The following SASH1 variants were observed in gnomAD, a reference collection of about 807,000 sequenced individuals.
The protein encoded by SASH1 is SAM and SH3 domain containing 1.
In SASH1, 44 loss-of-function variants were observed where a neutral mutation model predicts 125.2. The observed-to-expected ratio is 0.35, with a 90% CI of 0.28 to 0.45. The LOEUF is 0.45. Among genes scored for constraint, SASH1 ranks in the 20% least tolerant of loss-of-function variants. SASH1 has a pLI of 1.00. For missense variants in SASH1, 1,426 were observed against 1,614.5 expected (o/e 0.88, Z 2.00); for synonymous variants, 639 against 649.1 (o/e 0.98, Z 0.24).
intron 7 of SASH1, among the ~76,000 whole-genome samples, chr6:148,474,682 C>T (rs1778262172): frequency 6.6e-6 from 1 of 152,086 alleles, no homozygotes; most frequent in Admixed American, 6.5e-5. Context: ...AGTAATCCTC[C>T]CATGTCAGCC....
intron 17 of SASH1, among the ~76,000 whole-genome samples, chr6:148,541,846 C>A (rs1782239995): frequency 6.6e-6 from 1 of 152,122 alleles, no homozygotes; most frequent in South Asian, 2.1e-4. Flanking sequence ...TCAAGGTTTT[C>A]TATCAACTTG....
intron 2 of SASH1, among the ~76,000 whole-genome samples, chr6:148,438,225 T>G (rs557476655): frequency 1.3e-5 from 2 of 152,302 alleles, no homozygotes; most frequent in South Asian, 4.1e-4. Context: ...GGAAGGAAGA[T>G]TTGGGATTAA....
chr6:148,432,201 C>G (rs368693687), intron 2 of SASH1, among the ~76,000 whole-genome samples: 1 of 152,098 alleles, frequency 6.6e-6, no homozygotes, highest in African/African-American at 2.4e-5. Context: ...TCTCAAACTC[C>G]CGACCTCAGG....
intron 8 of SASH1, chr6:148,514,003 C>G: frequency 9.8e-7 from 1 of 1,023,846 alleles, no homozygotes; most frequent in Non-Finnish European, 1.2e-6. Context: ...GGGCCAGCAT[C>G]GGAGGGAGAG....
intron 1 of SASH1, among the ~76,000 whole-genome samples, chr6:148,326,419 T>TTTTCTTTTCTTTTCTTTTCTTTTC (rs1562326411): frequency 1.2e-5 from 1 of 80,540 alleles, no homozygotes; most frequent in African/African-American, 4.3e-5. Context: ...CTTTTCTTTT[T>TTTTCTTTTCTTTTCTTTTCTTTTC]TTTGAGACAG....
At chr6:148,309,347 G>C (rs1442312684) in intron 1 of SASH1, among the ~76,000 whole-genome samples, 5 of 152,164 alleles carry the variant, frequency 3.3e-5, no homozygotes, top group African/African-American at 1.2e-4. Context: ...AAAGGCCTTT[G>C]CTTATAAATC....
At chr6:148,218,335 A>G in the SASH1 span, among the ~76,000 whole-genome samples, 1 of 152,252 alleles carries the variant, frequency 6.6e-6, no homozygotes, top group African/African-American at 2.4e-5. Context: ...TGGTCACACA[A>G]TAAGACCCCA....
At chr6:148,536,341 A>G (rs1414267320) in intron 16 of SASH1, among the ~76,000 whole-genome samples, 9 of 151,824 alleles carry the variant, frequency 5.9e-5, no homozygotes, top group East Asian at 3.9e-4. Flanking sequence ...GTTTTGTTTT[A>G]TTTTGTTTTG....
chr6:148,471,386 C>CTTTTTT (rs35487674), intron 5 of SASH1, 31 bp from the exon 6 acceptor site: 34 of 503,562 alleles, frequency 6.8e-5, no homozygotes, highest in South Asian at 2.5e-4. Flanking sequence ...GCTTTTTGTT[C>CTTTTTT]TTTTTTTTTT....
intron 1 of SASH1, among the ~76,000 whole-genome samples, chr6:148,356,070 G>GTTTTTTTTTTTTTT (rs200129121): frequency 4.3e-5 from 6 of 139,790 alleles, no homozygotes; most frequent in East Asian, 2.1e-4. Flanking sequence ...GTATCATTCT[G>GTTTTTTTTTTTTTT]TTTTTTTTTT....
At chr6:148,315,450 T>C (rs984236026) in intron 1 of SASH1, among the ~76,000 whole-genome samples, 4 of 152,212 alleles carry the variant, frequency 2.6e-5, no homozygotes, top group African/African-American at 9.7e-5. Context: ...AGCCAATCTG[T>C]TCAACCACTA....
chr6:148,212,698 C>A, the SASH1 span, among the ~76,000 whole-genome samples: 11 of 152,300 alleles, frequency 7.2e-5, no homozygotes, highest in Admixed American at 5.2e-4. Flanking sequence ...CATCTATTCT[C>A]AAGGGTTTCT....
intron 9 of SASH1, among the ~76,000 whole-genome samples, chr6:148,518,938 G>A (rs376850382): frequency 9.2e-5 from 14 of 152,280 alleles, no homozygotes; most frequent in South Asian, 2.1e-4. Context: ...GTATCTGGCC[G>A]GGATCACTGA....
intron 1 of SASH1, among the ~76,000 whole-genome samples, 191 bp from the exon 2 acceptor site, chr6:148,389,943 A>G (rs895027522): frequency 6.6e-6 from 1 of 152,224 alleles, no homozygotes; most frequent in African/African-American, 2.4e-5. Flanking sequence ...ATAAGTGGGA[A>G]AAAACAGGCC....
intron 8 of SASH1, chr6:148,513,771 G>A (rs1562472315): frequency 1.0e-6 from 1 of 985,784 alleles, no homozygotes; most frequent in Non-Finnish European, 1.2e-6. Context: ...CGGAAGGGCT[G>A]GCTGCAATGT....
intron 1 of SASH1, among the ~76,000 whole-genome samples, chr6:148,322,351 CAAATAAAATAAAA>C (rs2114575223): frequency 6.6e-6 from 1 of 152,172 alleles, no homozygotes; most frequent in African/African-American, 2.4e-5. Context: ...GACTCAGTCT[CAAATAAAATAAAA>C]TAATAAAATA....
intron 2 of SASH1, among the ~76,000 whole-genome samples, chr6:148,408,966 C>T (rs1363706391): frequency 6.6e-6 from 1 of 152,128 alleles, no homozygotes; most frequent in Non-Finnish European, 1.5e-5. Flanking sequence ...CTTTTTTGCC[C>T]GCTACACTTG....
At chr6:148,455,197 C>T (rs566455337) in intron 4 of SASH1, among the ~76,000 whole-genome samples, 36 of 152,250 alleles carry the variant, frequency 2.4e-4, no homozygotes, top group African/African-American at 8.4e-4. Flanking sequence ...GATCCTCAGG[C>T]CTTGCCCAGA....
At chr6:148,253,301 G>A in the SASH1 span, among the ~76,000 whole-genome samples, 1 of 152,146 alleles carries the variant, frequency 6.6e-6, no homozygotes, top group Non-Finnish European at 1.5e-5. Flanking sequence ...CATGTAGAGG[G>A]CCAAAACAAT....
Sources: gnomAD v4.1 joint callset for allele counts (sites outside exome capture counted in the v4.1 genomes callset) on GRCh38, gnomAD v4.1.1 for gene constraint, MANE v1.5 for transcripts, NCBI Gene and HGNC (gene_info 2026-07-23, HGNC 2026-07-21) for gene names.